The following DEPDC5 variants were observed in gnomAD, a reference collection of about 807,000 sequenced individuals.
The protein encoded by DEPDC5 is DEP domain containing 5, GATOR1 subcomplex subunit, also known as GATOR1 complex protein DEPDC5.
DEPDC5 carries 73 observed loss-of-function variants against 217.3 expected under a neutral mutation model. The ratio of observed to expected loss-of-function variants is 0.34; its 90% CI spans 0.28 to 0.41. The LOEUF is 0.41. DEPDC5 is among the 10% of genes least tolerant of loss of function. DEPDC5 has a pLI of 1.00. For missense variants in DEPDC5, 1,675 were observed against 2,070.1 expected, an observed-to-expected ratio of 0.81 and a Z score of 3.70; for synonymous variants, 733 against 756.7, an observed-to-expected ratio of 0.97 and a Z score of 0.51.
intron 35 of DEPDC5, chr22:31,874,008 G>T: frequency 5.6e-6 from 2 of 355,168 alleles, no homozygotes; most frequent in Non-Finnish European, 5.1e-6. Context: ...GGTCAGGCTG[G>T]TCTCAAACTC....
rs41304673 is a variant in DEPDC5 at position 31,805,034 on chromosome 22, A to G, written c.1217+119A>G. 31,626 of 939,100 alleles carry G rather than the reference A, an allele frequency of 0.034. 703 individuals are homozygous for G. Among genetic ancestry groups the G allele is most frequent in the South Asian group, 0.055 (3,490 of 63,442 alleles). 58.2% of individuals were successfully genotyped at this position (939,100 alleles called of 1,614,324 possible). On this transcript the variant is annotated intron_variant, in intron 17 of 42. Transcript: ENST00000651528. ...TAAACCTTTTGTTAAGAAAATGTGG[A>G]AACCAAGTTCTAACATTTGCTCAAA...
At chr22:31,905,208 A>G (rs1440472031) in intron 41 of DEPDC5, among the ~76,000 whole-genome samples, 1 of 151,658 alleles carries the variant, frequency 6.6e-6, no homozygotes, top group Non-Finnish European at 1.5e-5. Flanking sequence ...TTTGAGATGG[A>G]GTCTCGCCCT....
chr22:31,893,886 C>G, intron 39 of DEPDC5, 135 bp downstream of exon 39: 1 of 1,039,950 alleles, frequency 9.6e-7, no homozygotes, highest in Non-Finnish European at 1.3e-6. Flanking sequence ...ATTGGAGTAA[C>G]CTTTTTAAAA....
At chr22:31,876,743 G>GT (rs2093001785) in intron 37 of DEPDC5, among the ~76,000 whole-genome samples, 1 of 151,954 alleles carries the variant, frequency 6.6e-6, no homozygotes, top group African/African-American at 2.4e-5. Flanking sequence ...GTATCTGTGG[G>GT]GTTTTTTTTC....
chr22:31,755,128 TAGG>T lies in DEPDC5; in HGVS notation c.58+154_58+156del, dbSNP rs886447376. On this transcript the variant is annotated intron_variant, in intron 2 of 42. Transcript: ENST00000651528. ...AGCAGCAACTGTCATACAGTAACAA[TAGG>T]AGGATGGCAGGACCCTTCTAATGCA... 2.5e-5 allele frequency: 20 copies of T among 806,684 alleles called. No individual in the cohort carries two copies. In the African/African-American group the frequency reaches 2.9e-4, roughly 12 times the overall value. 50.0% of individuals were successfully genotyped at this position (806,684 alleles called of 1,614,324 possible).
chr22:31,818,652 A>G (rs1427157165), intron 21 of DEPDC5, among the ~76,000 whole-genome samples: 4 of 152,092 alleles, frequency 2.6e-5, no homozygotes, highest in Non-Finnish European at 4.4e-5. Flanking sequence ...AGCTATTTTT[A>G]TTGTTCCTCC....
chr22:31,895,164 G>GGAAAGAAA (rs1370744017), intron 39 of DEPDC5, among the ~76,000 whole-genome samples: 1 of 145,424 alleles, frequency 6.9e-6, no homozygotes, highest in Admixed American at 6.9e-5. Flanking sequence ...AAAAAAAAAA[G>GGAAAGAAA]GAAAGAAAGA....
intron 24 of DEPDC5, among the ~76,000 whole-genome samples, chr22:31,829,061 G>T (rs181687926): frequency 1.3e-5 from 2 of 152,176 alleles, no homozygotes; most frequent in African/African-American, 2.4e-5. Context: ...TGAGGCTCAG[G>T]TTCTTCATCT....
At chr22:31,828,999 A>G (rs1247860531) in intron 24 of DEPDC5, among the ~76,000 whole-genome samples, 1 of 152,210 alleles carries the variant, frequency 6.6e-6, no homozygotes, top group African/African-American at 2.4e-5. Context: ...GTGTGCTGTG[A>G]TGAAAACAAC....
At position 31,871,148 on chromosome 22, in the gene DEPDC5, T is replaced by C. The variant is rs549426690; in HGVS notation, c.3485+404T>C. Among the ~76,000 whole-genome samples the C allele has an allele frequency of 7.7e-4, 118 of 152,364 alleles. 1 individual carries two copies. The highest frequency in any genetic ancestry group is 2.8e-3 in the African/African-American group (116 of 41,598). ...TGGCCAAACATGACTGTTCTTCTTC[T>C]ATTCCTTAGTATCCGGAGGAAAAGG... On this transcript the variant is annotated intron_variant, in intron 34 of 42. Transcript: ENST00000651528.
chr22:31,790,112 T>C (rs1330888627), intron 10 of DEPDC5, among the ~76,000 whole-genome samples: 2 of 152,192 alleles, frequency 1.3e-5, no homozygotes, highest in East Asian at 3.8e-4. Context: ...GCTCTTGGAC[T>C]CCCGTGAATT....
intron 31 of DEPDC5, among the ~76,000 whole-genome samples, chr22:31,855,971 T>C (rs759889965): frequency 2.6e-5 from 4 of 152,038 alleles, no homozygotes; most frequent in Non-Finnish European, 5.9e-5. Context: ...GGAAGCGGAC[T>C]GAGATGGGGT....
At chr22:31,755,904 C>T (rs986727570) in intron 2 of DEPDC5, among the ~76,000 whole-genome samples, 6 of 151,374 alleles carry the variant, frequency 4.0e-5, no homozygotes, top group South Asian at 4.2e-4. Flanking sequence ...GACAGAGTCT[C>T]GCTCTGTCAC....
intron 38 of DEPDC5, among the ~76,000 whole-genome samples, chr22:31,886,755 CAAA>C (rs1224610835): frequency 9.6e-5 from 5 of 52,120 alleles, no homozygotes; most frequent in African/African-American, 1.7e-4. Context: ...GTCTCCATCT[CAAA>C]AAAAAAAAAA....
chr22:31,760,271 T>C (rs903566130), intron 3 of DEPDC5, among the ~76,000 whole-genome samples: 4 of 152,106 alleles, frequency 2.6e-5, no homozygotes, highest in African/African-American at 9.6e-5. Flanking sequence ...GGTTTCACTG[T>C]GTTAGCCAGG....
At chr22:31,863,710 G>A (rs751350052) in intron 33 of DEPDC5, among the ~76,000 whole-genome samples, 65 of 152,052 alleles carry the variant, frequency 4.3e-4, no homozygotes, top group Non-Finnish European at 7.5e-4. Flanking sequence ...ATCACTTGAG[G>A]TCAGGAGTTC....
chr22:31,856,085 C>T (rs2092277946), intron 31 of DEPDC5, among the ~76,000 whole-genome samples: 1 of 151,780 alleles, frequency 6.6e-6, no homozygotes, highest in Non-Finnish European at 1.5e-5. Flanking sequence ...GACTACAGCC[C>T]AGACCCAGTG....
intron 21 of DEPDC5, chr22:31,817,356 C>A: frequency 6.2e-6 from 2 of 321,660 alleles, no homozygotes; most frequent in Non-Finnish European, 1.2e-5. Context: ...GTGATCTGCC[C>A]ACCTCAGCCT....
chr22:31,827,367 TAACC>T (rs2090236354), intron 24 of DEPDC5, among the ~76,000 whole-genome samples: 1 of 152,216 alleles, frequency 6.6e-6, no homozygotes, highest in Admixed American at 6.5e-5. Flanking sequence ...TAATTTGTTA[TAACC>T]ATATGCAAAA....
Sources: allele counts gnomAD v4.1 joint callset (sites outside exome capture counted in the v4.1 genomes callset), GRCh38; gene constraint gnomAD v4.1.1; transcripts MANE v1.5; gene names NCBI Gene and HGNC (gene_info 2026-07-23, HGNC 2026-07-21).